RALGAPB: variants seen among roughly 807,000 people sequenced by gnomAD.
The protein encoded by RALGAPB is ral GTPase-activating protein subunit beta.
A neutral mutation model predicts 161.1 loss-of-function variants in RALGAPB; 25 were observed. The observed-to-expected ratio is 0.16, with a 90% CI of 0.11 to 0.22. The LOEUF is 0.22. RALGAPB is among the 10% of genes least tolerant of loss of function. RALGAPB has a pLI of 1.00. For missense variants in RALGAPB, 1,391 were observed against 1,815.2 expected (o/e 0.77, Z 4.25); for synonymous variants, 629 against 626.1 (o/e 1.00, Z -0.07).
At chr20:38,482,226 T>C (rs1160163321) in intron 1 of RALGAPB, among the ~76,000 whole-genome samples, 1 of 152,118 alleles carries the variant, frequency 6.6e-6, no homozygotes, top group Non-Finnish European at 1.5e-5. Flanking sequence ...ATCATAAAGG[T>C]CTTCATCCTC....
chr20:38,503,506 C>T (rs991448753), intron 5 of RALGAPB, among the ~76,000 whole-genome samples: 8 of 152,074 alleles, frequency 5.3e-5, no homozygotes, highest in African/African-American at 1.9e-4. Context: ...AGAAGTATAG[C>T]CCAAAGAGAT....
At chr20:38,572,787 G>A (rs1213070473) in intron 28 of RALGAPB, among the ~76,000 whole-genome samples, 2 of 152,138 alleles carry the variant, frequency 1.3e-5, no homozygotes, top group Admixed American at 1.3e-4. Flanking sequence ...TTTTCAGATA[G>A]CTAAACAACA....
chr20:38,567,322 G>T, intron 26 of RALGAPB, 90 bp downstream of exon 26: 1 of 1,506,086 alleles, frequency 6.6e-7, no homozygotes, highest in Non-Finnish European at 8.9e-7. Flanking sequence ...AACCCAGAGA[G>T]TATTTATATC....
rs768543922 is a variant in RALGAPB, at chr20:38,567,088, C to T, written c.3818-8C>T. Reference sequence around the variant, plus strand: ...TATTATAGTTGCTTTTTTTCCTTTACCCCATAGCTGATTCATTGGAAAGTA... The same window carrying T: ...TATTATAGTTGCTTTTTTTCCTTTATCCCATAGCTGATTCATTGGAAAGTA... On this transcript the variant is annotated splice_region_variant and splice_polypyrimidine_tract_variant and intron_variant, in intron 25 of 29. Transcript: ENST00000262879. 1.9e-6 allele frequency: 3 copies of T among 1,611,442 alleles called. No homozygotes were observed. The highest frequency in any genetic ancestry group is 1.7e-4 in the Middle Eastern group (1 of 6,036).
chr20:38,513,646 C>G (rs77838580), intron 6 of RALGAPB, among the ~76,000 whole-genome samples: 2 of 91,754 alleles, frequency 2.2e-5, no homozygotes, highest in Non-Finnish European at 2.5e-5. Context: ...AAGACTGTCT[C>G]AAAAAAAAAA....
intron 6 of RALGAPB, among the ~76,000 whole-genome samples, chr20:38,511,786 C>G (rs1035445674): frequency 1.3e-5 from 2 of 152,224 alleles, no homozygotes; most frequent in Non-Finnish European, 2.9e-5. Context: ...ACATTTCCCG[C>G]TTTTCTATTC....
intron 5 of RALGAPB, among the ~76,000 whole-genome samples, chr20:38,504,570 A>G (rs1600877737): frequency 6.6e-6 from 1 of 152,152 alleles, no homozygotes; most frequent in Admixed American, 6.5e-5. Context: ...AACAAAAACA[A>G]TCGACAAGTG....
chr20:38,493,733 A>AAC (rs2085338640), intron 3 of RALGAPB, among the ~76,000 whole-genome samples: 1 of 152,204 alleles, frequency 6.6e-6, no homozygotes, highest in African/African-American at 2.4e-5. Context: ...CCAGCTCTGT[A>AAC]AGTTTTTAAC....
chr20:38,506,114 G>A (rs1195959383), intron 5 of RALGAPB, among the ~76,000 whole-genome samples: 4 of 152,148 alleles, frequency 2.6e-5, no homozygotes, highest in African/African-American at 7.2e-5. Context: ...CATTGTATTA[G>A]GTATTATAAG....
intron 1 of RALGAPB, among the ~76,000 whole-genome samples, chr20:38,487,964 G>T (rs996434228): frequency 3.3e-5 from 5 of 152,128 alleles, no homozygotes; most frequent in African/African-American, 4.8e-5. Context: ...TACTCAGGAC[G>T]CTGAGGCAGG....
At chr20:38,553,001 G>C (rs945250259) in intron 21 of RALGAPB, among the ~76,000 whole-genome samples, 1 of 152,124 alleles carries the variant, frequency 6.6e-6, no homozygotes, top group South Asian at 2.1e-4. Context: ...AGCAGATAAA[G>C]CCAGAAGGAT....
At position 38,497,526 on chromosome 20, in the gene RALGAPB, T is replaced by C; in HGVS notation, c.553+10T>C. 1 of 1,165,044 alleles carries C rather than the reference T, an allele frequency of 8.6e-7. No homozygotes were observed. Among genetic ancestry groups the C allele is most frequent in the Non-Finnish European group, 1.2e-6 (1 of 852,790 alleles). The allele number at this position is 1,165,044 out of a possible 1,614,324, so 72.2% of individuals were successfully genotyped here. On this transcript the variant is annotated intron_variant, in intron 4 of 29. Coordinates refer to ENST00000262879, the MANE Select transcript of RALGAPB (RefSeq NM_020336.4). The stretch of plus-strand genomic sequence containing the variant: ...CCACCAACTGTTCAAGGTTTGTTTA[T>C]TTTTTTTTTTCTAATTTATTTCTGA...
At position 38,577,919 on chromosome 20, in the gene RALGAPB, G is replaced by A. The variant is rs2088497196; in HGVS notation, c.*2952G>A. The A allele has an allele frequency of 1.3e-5, 2 of 152,190 alleles. No homozygotes were observed. The highest frequency in any genetic ancestry group is 4.8e-5 in the African/African-American group (2 of 41,438). The allele number at this position is 152,190 out of a possible 1,614,324, so 9.4% of individuals were successfully genotyped here. A position where few individuals can be genotyped will look rare whatever the true frequency, so the allele number is the denominator to read the frequency against. ...TTCTCCATACACTAGGGAAGCATTTGTCAGACTCTGCAGACTGGGTTCTAG... is the reference window on the plus strand; with the variant it reads ...TTCTCCATACACTAGGGAAGCATTTATCAGACTCTGCAGACTGGGTTCTAG... On this transcript the variant is annotated 3_prime_UTR_variant, in exon 30 of 30. Transcript: ENST00000262879.
rs1568940955 is a variant in RALGAPB at position 38,524,944 on chromosome 20, A to G, written c.1786A>G (p.Arg596Gly). Residue 596 changes from arginine to glycine, a missense_variant and splice_region_variant, in exon 11 of 30, where the codon AGA becomes GGA. Physicochemically the swap from Arg to Gly is moderately radical, Grantham distance 125 (BLOSUM62 -2). Around this residue, in one of 3 missense-constraint regions of RALGAPB, gnomAD observed 946 missense variants for 1,257.2 expected, o/e 0.75. Coordinates refer to ENST00000262879, the MANE Select transcript of RALGAPB (RefSeq NM_020336.4). The part of the protein sequence containing the change: ...ISALETILPD[R>G]ELSKFKSYVN... ...AGCTCTTGAAACCATTTTGCCTGAC[A>G]GGTAAGCTATCATTCTCTGCTATTA... 1 of 1,602,954 alleles carries G rather than the reference A, an allele frequency of 6.2e-7. No individual in the cohort carries two copies. The highest frequency in any genetic ancestry group is 1.7e-5 in the Admixed American group (1 of 60,004).
chr20:38,509,120 G>A lies in RALGAPB; in HGVS notation c.784G>A (p.Val262Ile), dbSNP rs781410402. 2 of 1,613,450 alleles carry A rather than the reference G, an allele frequency of 1.2e-6. No individual in the cohort carries two copies. The highest frequency in any genetic ancestry group is 1.7e-6 in the Non-Finnish European group (2 of 1,179,384). Reference protein sequence around the residue: ...TYGPSFPAFKVPDEDASLIPP... With the variant: ...TYGPSFPAFKIPDEDASLIPP... ...TGGTCCTTCATTTCCTGCATTTAAAGTTCCCGATGAAGATGCCAGTCTGAT... is the reference window on the plus strand; with the variant it reads ...TGGTCCTTCATTTCCTGCATTTAAAATTCCCGATGAAGATGCCAGTCTGAT... The change falls in exon 6 of 30, where the codon GTT becomes ATT. Residue 262 changes from valine (V) to isoleucine (I), a missense_variant. Val to Ile is a conservative substitution (Grantham distance 29). Coordinates refer to ENST00000262879, the MANE Select transcript of RALGAPB (RefSeq NM_020336.4).
intron 6 of RALGAPB, among the ~76,000 whole-genome samples, chr20:38,514,009 C>T (rs1231236041): frequency 6.6e-6 from 1 of 151,964 alleles, no homozygotes; most frequent in Non-Finnish European, 1.5e-5. Flanking sequence ...AGAGGTAGTA[C>T]TTAGATAGTC....
At chr20:38,476,558 A>C (rs1434920659) in intron 1 of RALGAPB, among the ~76,000 whole-genome samples, 2 of 152,126 alleles carry the variant, frequency 1.3e-5, no homozygotes, top group Non-Finnish European at 2.9e-5. Context: ...CTGTGTGTGC[A>C]TGGGATAGGG....
At chr20:38,546,933 C>T (rs2087186779) in intron 19 of RALGAPB, 1 of 155,670 alleles carries the variant, frequency 6.4e-6, no homozygotes, top group African/African-American at 2.4e-5. Context: ...CCCAATACAT[C>T]CAAGTGCAGG....
At chr20:38,561,296 C>G (rs2087777729) in intron 23 of RALGAPB, among the ~76,000 whole-genome samples, 1 of 152,152 alleles carries the variant, frequency 6.6e-6, no homozygotes. Context: ...TGCACTCCAG[C>G]CTGGGCGACA....
Sources: allele counts gnomAD v4.1 joint callset (sites outside exome capture counted in the v4.1 genomes callset), GRCh38; gene constraint gnomAD v4.1.1; regional missense constraint gnomAD v4.1.1; transcripts MANE v1.5; gene names NCBI Gene and HGNC (gene_info 2026-07-23, HGNC 2026-07-21).